The following TMEM171 variants were observed in gnomAD, a reference collection of about 807,000 sequenced individuals.
TMEM171 encodes proline-rich protein PRP2.
Under a neutral mutation model 19.1 loss-of-function variants are expected in TMEM171, and 16 were observed. That is an observed-to-expected ratio of 0.84 (90% CI 0.57 to 1.27). The LOEUF is 1.27. Among genes scored for constraint, TMEM171 ranks in the 50% most tolerant of loss-of-function variants. The pLI is 0.00. For missense variants in TMEM171, 429 were observed against 412.7 expected (o/e 1.04, Z -0.34); for synonymous variants, 153 against 163.4 (o/e 0.94, Z 0.48).
chr5:73,121,051 T>C (rs1743994528), intron 1 of TMEM171, among the ~76,000 whole-genome samples: 1 of 152,204 alleles, frequency 6.6e-6, no homozygotes, highest in African/African-American at 2.4e-5. Flanking sequence ...GGAAAAGGTT[T>C]CATTGCGAGT....
chr5:73,127,378 A>ATATATATATATAT (rs1216141842), intron 2 of TMEM171, among the ~76,000 whole-genome samples: 143 of 63,168 alleles, frequency 2.3e-3, no homozygotes, highest in African/African-American at 0.013. Flanking sequence ...GTAAAAAAAA[A>ATATATATATATAT]AAAAAAATAT....
intron 3 of TMEM171, among the ~76,000 whole-genome samples, chr5:73,128,745 C>A (rs1474323804): frequency 8.9e-6 from 1 of 112,598 alleles, no homozygotes; most frequent in African/African-American, 3.4e-5. Flanking sequence ...TAATATGAAG[C>A]CTACTCCAGG....
chr5:73,130,134 T>C (rs577209260), intron 3 of TMEM171, among the ~76,000 whole-genome samples: 1 of 151,134 alleles, frequency 6.6e-6, no homozygotes, highest in Admixed American at 6.6e-5. Flanking sequence ...GGCGGTACAG[T>C]GAGATGAGGG....
intron 3 of TMEM171, among the ~76,000 whole-genome samples, chr5:73,129,661 C>G (rs906515692): frequency 6.6e-6 from 1 of 152,194 alleles, no homozygotes; most frequent in Non-Finnish European, 1.5e-5. Flanking sequence ...GTTTAATGAC[C>G]CACCAATCAG....
In TMEM171 at chr5:73,123,942, A is replaced by G. The variant is rs1473421843; in HGVS notation, c.569A>G (p.Asn190Ser). The change falls in exon 2 of 4, where the codon AAT (asparagine) becomes AGT (serine). Residue 190 changes from asparagine to serine, a missense_variant. Coordinates refer to ENST00000454765, the MANE Select transcript of TMEM171 (RefSeq NM_173490.8). ...VAHVKKRNTL[N>S]AGQDASEREE... is the part of the protein sequence containing the mutation. ...CATGTTAAGAAGAGAAACACGCTGA[A>G]TGCTGGCCAGGATGCCTCTGAGAGA... is the stretch of plus-strand genomic sequence containing the variant. 25 of 1,612,054 alleles carry G rather than the reference A, an allele frequency of 1.6e-5. No homozygotes were observed. Among genetic ancestry groups the G allele is most frequent in the Non-Finnish European group, 2.0e-5 (24 of 1,179,132 alleles).
In TMEM171 at chr5:73,128,385, C is replaced by G; in HGVS notation, c.641-5C>G. On this transcript the variant is annotated splice_polypyrimidine_tract_variant and splice_region_variant and intron_variant, in intron 2 of 3. Transcript: ENST00000454765. ...TGTTGTCAACTAAATATTGTTTTGC[C>G]TTAGGTGACTCGGTAATAATATTTC... 6.2e-7 allele frequency: 1 copy of G among 1,613,808 alleles called. No homozygotes were observed. Among genetic ancestry groups the G allele is most frequent in the Non-Finnish European group, 8.5e-7 (1 of 1,179,866 alleles).
chr5:73,121,513 A>C (rs1744007452), intron 1 of TMEM171, among the ~76,000 whole-genome samples: 1 of 152,350 alleles, frequency 6.6e-6, no homozygotes, highest in African/African-American at 2.4e-5. Context: ...TGTATACTCA[A>C]TATGAAATTC....
rs111901696 is a variant in TMEM171 at position 73,123,352 on chromosome 5, C to A, written c.-22C>A. The A allele has an allele frequency of 6.3e-7, 1 of 1,585,982 alleles. No individual in the cohort carries two copies. Among genetic ancestry groups the A allele is most frequent in the Non-Finnish European group, 8.6e-7 (1 of 1,162,396 alleles). On this transcript the variant is annotated 5_prime_UTR_variant, in exon 2 of 4. Coordinates refer to ENST00000454765, the MANE Select transcript of TMEM171 (RefSeq NM_173490.8). ...AAGAAAACACATCCCACCCTGCCTC[C>A]GGGAAGGGGCCTCTCCTGGACATGT...
chr5:73,129,668 T>C (rs577270225), intron 3 of TMEM171, among the ~76,000 whole-genome samples: 92 of 152,262 alleles, frequency 6.0e-4, no homozygotes, highest in African/African-American at 2.2e-3. Flanking sequence ...GACCCACCAA[T>C]CAGACTGAGC....
At position 73,127,499 on chromosome 5, in the gene TMEM171, T is replaced by G. The variant is rs188782944; in HGVS notation, c.641-891T>G. Among the ~76,000 whole-genome samples the G allele has an allele frequency of 4.9e-3, 642 of 132,178 alleles. 11 individuals carry two copies. The highest frequency in any genetic ancestry group is 0.017 in the African/African-American group (595 of 34,538). The allele number at this position is 132,178 out of a possible 152,430, so 86.7% of individuals were successfully genotyped here. On this transcript the variant is annotated intron_variant, in intron 2 of 3. Coordinates refer to ENST00000454765, the MANE Select transcript of TMEM171 (RefSeq NM_173490.8). ...TCACCCAGGCTGGAGTGCAGTGGCA[T>G]GATCCTGGCTCACCACAACCTCTGC...
intron 1 of TMEM171, among the ~76,000 whole-genome samples, chr5:73,122,539 G>A (rs1269482260): frequency 6.6e-6 from 1 of 152,192 alleles, no homozygotes; most frequent in African/African-American, 2.4e-5. Flanking sequence ...CCAAGTAGCT[G>A]GGACCACAGG....
Position 73,123,338 on chromosome 5 carries a change from T to A in TMEM171, c.-36T>A, listed in dbSNP as rs753979760. ...GAAATCTTGGAGGGAAGAAAACACATCCCACCCTGCCTCCGGGAAGGGGCC... is the reference window on the plus strand; with the variant it reads ...GAAATCTTGGAGGGAAGAAAACACAACCCACCCTGCCTCCGGGAAGGGGCC... On this transcript the variant is annotated 5_prime_UTR_variant, in exon 2 of 4. Coordinates refer to ENST00000454765, the MANE Select transcript of TMEM171 (RefSeq NM_173490.8). 1 of 1,572,046 alleles carries A rather than the reference T, an allele frequency of 6.4e-7. No homozygotes were observed. Among genetic ancestry groups the A allele is most frequent in the East Asian group, 2.3e-5 (1 of 44,368 alleles).
chr5:73,123,246 A>C, intron 1 of TMEM171, 60 bp from the exon 2 acceptor site: 2 of 1,450,550 alleles, frequency 1.4e-6, no homozygotes, highest in Non-Finnish European at 1.8e-6. Context: ...TCAGCAAAAA[A>C]CCAGGGTGGT....
chr5:73,127,387 AT>A lies in TMEM171; in HGVS notation c.641-1002del, dbSNP rs1298844420. 1.3e-3 allele frequency among the ~76,000 whole-genome samples: 141 copies of A among 104,894 alleles called. 2 individuals are homozygous for A. Among genetic ancestry groups the A allele is most frequent in the East Asian group, 6.8e-3 (21 of 3,078 alleles). The allele number at this position is 104,894 out of a possible 152,430, so 68.8% of individuals were successfully genotyped here. A position where few individuals can be genotyped will look rare whatever the true frequency, so the allele number is the denominator to read the frequency against. ...TTTGTGGTAAAAAAAAAAAAAAAAT[AT>A]ATATATATATATATATATAAAGCAT... On this transcript the variant is annotated intron_variant, in intron 2 of 3. Coordinates refer to ENST00000454765, the MANE Select transcript of TMEM171 (RefSeq NM_173490.8).
At chr5:73,127,559 C>T (rs1274913889) in intron 2 of TMEM171, among the ~76,000 whole-genome samples, 3 of 148,144 alleles carry the variant, frequency 2.0e-5, no homozygotes, top group African/African-American at 7.5e-5. Flanking sequence ...GCCTCAGCCT[C>T]CCGAATAGCT....
intron 2 of TMEM171, among the ~76,000 whole-genome samples, chr5:73,127,384 A>AAATATATATATATATATAT: frequency 2.4e-5 from 2 of 81,682 alleles, no homozygotes; most frequent in African/African-American, 1.3e-4. Flanking sequence ...AAAAAAAAAA[A>AAATATATATATATATATAT]ATATATATAT....
chr5:73,125,229 T>C (rs1744128653), intron 2 of TMEM171, among the ~76,000 whole-genome samples: 1 of 152,206 alleles, frequency 6.6e-6, no homozygotes, highest in African/African-American at 2.4e-5. Context: ...ATATTAGTTA[T>C]ATATTCACAA....
At chr5:73,121,945 C>T (rs1451533391) in intron 1 of TMEM171, among the ~76,000 whole-genome samples, 2 of 152,172 alleles carry the variant, frequency 1.3e-5, no homozygotes, top group South Asian at 2.1e-4. Context: ...ACCTGACTTA[C>T]GGGGTCCTGG....
At chr5:73,126,826 T>C (rs910240565) in intron 2 of TMEM171, among the ~76,000 whole-genome samples, 18 of 152,226 alleles carry the variant, frequency 1.2e-4, no homozygotes, top group African/African-American at 4.3e-4. Context: ...GAACTGTTAT[T>C]GCTATTGCCA....
Sources: gnomAD v4.1 joint callset for allele counts (sites outside exome capture counted in the v4.1 genomes callset) on GRCh38, gnomAD v4.1.1 for gene constraint, MANE v1.5 for transcripts, NCBI Gene and HGNC (gene_info 2026-07-23, HGNC 2026-07-21) for gene names.